POLK: variants seen among roughly 807,000 people sequenced by gnomAD.
POLK encodes the protein polymerase (DNA directed) kappa.
Under a neutral mutation model 94.0 loss-of-function variants are expected in POLK, and 76 were observed. The observed-to-expected ratio is 0.81, with a 90% confidence interval of 0.67 to 0.98. The LOEUF (loss-of-function observed/expected upper bound fraction) is 0.98, where lower values mean the gene tolerates loss of function less well. Among genes scored for constraint, POLK ranks in the 50% least tolerant of loss-of-function variants. The pLI is 0.00. For missense variants in POLK, 954 were observed against 1,010.1 expected, an observed-to-expected ratio of 0.94 and a Z score of 0.75; for synonymous variants, 349 against 325.4, an observed-to-expected ratio of 1.07 and a Z score of -0.78.
chr5:75,519,436 AT>A (rs1208358020), intron 1 of POLK, among the ~76,000 whole-genome samples: 8 of 151,688 alleles, frequency 5.3e-5, no homozygotes, highest in Non-Finnish European at 1.0e-4. Context: ...TTCTTTGTTG[AT>A]TTTCTGTCTG....
intron 1 of POLK, chr5:75,538,618 C>G (rs1015998343): frequency 6.6e-6 from 1 of 151,928 alleles, no homozygotes; most frequent in African/African-American, 2.4e-5. Flanking sequence ...TGGTGAAGAC[C>G]GGAAAACCTG....
At chr5:75,559,513 G>GTTTTTTTTTTTTTT (rs1561371280) in intron 3 of POLK, among the ~76,000 whole-genome samples, 1 of 68,438 alleles carries the variant, frequency 1.5e-5, no homozygotes, top group Non-Finnish European at 3.2e-5. Flanking sequence ...TTGTTTTTTT[G>GTTTTTTTTTTTTTT]TTTTGTTTTG....
At chr5:75,557,041 C>A (rs1165175516) in intron 3 of POLK, among the ~76,000 whole-genome samples, 1 of 151,914 alleles carries the variant, frequency 6.6e-6, no homozygotes, top group African/African-American at 2.4e-5. Context: ...CCAGCCTGGG[C>A]AACAGAATGA....
chr5:75,521,377 G>A (rs1002031792), intron 1 of POLK, among the ~76,000 whole-genome samples: 20 of 151,630 alleles, frequency 1.3e-4, no homozygotes, highest in African/African-American at 4.8e-4. Flanking sequence ...CTATGTTGTT[G>A]AGAGCCTCTA....
chr5:75,524,194 T>A (rs1768724769), intron 1 of POLK, among the ~76,000 whole-genome samples: 1 of 149,346 alleles, frequency 6.7e-6, no homozygotes. Flanking sequence ...GAAGCAGGAG[T>A]AGGAGGATGT....
At chr5:75,521,154 G>C (rs1389183232) in intron 1 of POLK, among the ~76,000 whole-genome samples, 2 of 152,156 alleles carry the variant, frequency 1.3e-5, no homozygotes, top group Non-Finnish European at 2.9e-5. Context: ...ATTTTTCTTA[G>C]ATTTTGGGAA....
intron 5 of POLK, among the ~76,000 whole-genome samples, chr5:75,575,978 T>G (rs1414948956): frequency 6.6e-6 from 1 of 152,144 alleles, no homozygotes; most frequent in African/African-American, 2.4e-5. Flanking sequence ...CATATTATTT[T>G]GACAACCATT....
At chr5:75,547,271 T>C (rs912715266) in intron 2 of POLK, 114 bp downstream of exon 2, 1 of 360,774 alleles carries the variant, frequency 2.8e-6, no homozygotes, top group African/African-American at 2.1e-5. Flanking sequence ...TTAATATATA[T>C]TATTTTTAAA....
At position 75,593,491 on chromosome 5, in the gene POLK, C is replaced by T. The variant is rs559405200; in HGVS notation, c.1357-387C>T. ...GGTTATAATTCCATATTCTTATGTC[C>T]GTAAACCTTTCTGAATTTTTCTAAC... On this transcript the variant is annotated intron_variant, in intron 11 of 14. Coordinates refer to ENST00000241436, the Ensembl canonical transcript of POLK. Among the ~76,000 whole-genome samples, 104 of 152,154 alleles carry T rather than the reference C, an allele frequency of 6.8e-4. 1 individual carries two copies. The South Asian group carries it at 0.01, about 15-fold the overall frequency.
At chr5:75,569,515 A>C (rs746651607) in intron 4 of POLK, 23 bp downstream of exon 4, 5 of 1,589,306 alleles carry the variant, frequency 3.1e-6, no homozygotes. Flanking sequence ...CAAATACAAA[A>C]AGGAAATTTT....
intron 4 of POLK, among the ~76,000 whole-genome samples, chr5:75,570,467 A>G (rs576315054): frequency 6.6e-6 from 1 of 152,350 alleles, no homozygotes; most frequent in South Asian, 2.1e-4. Flanking sequence ...TCAATAATTA[A>G]GTGATCTGCA....
intron 2 of POLK, among the ~76,000 whole-genome samples, chr5:75,548,293 T>C (rs1358223922): frequency 1.3e-5 from 2 of 152,108 alleles, no homozygotes; most frequent in Non-Finnish European, 2.9e-5. Context: ...TGTATACATA[T>C]GCACATTCAA....
At chr5:75,533,967 C>T (rs1002016106) in intron 1 of POLK, among the ~76,000 whole-genome samples, 1 of 152,104 alleles carries the variant, frequency 6.6e-6, no homozygotes, top group Admixed American at 6.6e-5. Context: ...AGGTTTATCA[C>T]ATCAAGGAGC....
chr5:75,574,900 T>G (rs1234251077), intron 5 of POLK, among the ~76,000 whole-genome samples: 1 of 152,240 alleles, frequency 6.6e-6, no homozygotes, highest in East Asian at 1.9e-4. Context: ...TTTAAGAAGT[T>G]TTAAAAATCC....
At chr5:75,530,125 A>G (rs1472579947) in intron 1 of POLK, among the ~76,000 whole-genome samples, 1 of 151,898 alleles carries the variant, frequency 6.6e-6, no homozygotes, top group African/African-American at 2.4e-5. Flanking sequence ...TTTAGATGCT[A>G]TGATTATTGA....
chr5:75,543,240 A>C (rs767061381), intron 1 of POLK, among the ~76,000 whole-genome samples: 10 of 149,680 alleles, frequency 6.7e-5, no homozygotes, highest in Non-Finnish European at 1.5e-4. Flanking sequence ...GGGTTTCACC[A>C]TTTTGGCCAG....
intron 5 of POLK, among the ~76,000 whole-genome samples, chr5:75,575,556 C>T (rs1024264202): frequency 6.6e-6 from 1 of 152,158 alleles, no homozygotes; most frequent in Non-Finnish European, 1.5e-5. Context: ...TTAATTCTTA[C>T]AGCAATATCC....
intron 1 of POLK, among the ~76,000 whole-genome samples, chr5:75,541,004 C>T (rs1769708446): frequency 6.6e-6 from 1 of 152,146 alleles, no homozygotes; most frequent in Non-Finnish European, 1.5e-5. Flanking sequence ...AACTTGGAGG[C>T]TCGGCGCAGT....
intron 3 of POLK, among the ~76,000 whole-genome samples, chr5:75,565,008 T>A (rs1458746606): frequency 6.6e-6 from 1 of 152,176 alleles, no homozygotes; most frequent in African/African-American, 2.4e-5. Context: ...TTGTCAGTTT[T>A]AGTTTCACCA....
Sources: gnomAD v4.1 joint callset for allele counts (sites outside exome capture counted in the v4.1 genomes callset) on GRCh38, gnomAD v4.1.1 for gene constraint, MANE v1.5 for transcripts, NCBI Gene and HGNC (gene_info 2026-07-23, HGNC 2026-07-21) for gene names.